GALNT8: variants seen among roughly 807,000 people sequenced by gnomAD.
GALNT8 encodes the protein probable polypeptide N-acetylgalactosaminyltransferase 8.
GALNT8 carries 66 observed loss-of-function variants against 62.7 expected under a neutral mutation model. The ratio of observed to expected loss-of-function variants is 1.05; its 90% CI spans 0.86 to 1.29. The LOEUF is 1.29. Among genes scored for constraint, GALNT8 ranks in the 50% most tolerant of loss-of-function variants. The pLI is 0.00. For synonymous variants in GALNT8, 288 were observed against 294.3 expected (o/e 0.98, Z 0.22); for missense variants, 771 against 791.8 (o/e 0.97, Z 0.32).
At chr12:4,761,217 T>G in intron 7 of GALNT8, 74 bp downstream of exon 7, 2 of 1,321,372 alleles carry the variant, frequency 1.5e-6, no homozygotes, top group Non-Finnish European at 2.1e-6. Context: ...TGGGGAGGGA[T>G]AAAGCAAAAG....
At position 4,723,204 on chromosome 12, in the gene GALNT8, T is replaced by A. The variant is rs3782739; in HGVS notation, c.211+2316T>A. ...GAAATTCCATAGATGAATAAATGAG[T>A]GGGTGTGTCTAGGAAAGAGAGAGAA... On this transcript the variant is annotated intron_variant, in intron 1 of 10. Coordinates refer to ENST00000252318, the MANE Select transcript of GALNT8 (RefSeq NM_017417.2). 5.7e-4 allele frequency among the ~76,000 whole-genome samples: 86 copies of A among 151,922 alleles called. 1 individual carries two copies. The East Asian group carries it at 0.015, about 26-fold the overall frequency.
Position 4,754,191 on chromosome 12 carries a change from G to GTA in GALNT8, c.1174-6766_1174-6765dup, listed in dbSNP as rs371466153. Among the ~76,000 whole-genome samples, 1,200 of 151,834 alleles carry GTA rather than the reference G, an allele frequency of 7.9e-3. 18 individuals are homozygous for GTA. Among genetic ancestry groups the GTA allele is most frequent in the African/African-American group, 0.028 (1,146 of 41,382 alleles). ...AAGGCCTGCTGTAACCACTCACTGT[G>GTA]TACTTCCTATGTTCCCTTGAGACCC... On this transcript the variant is annotated intron_variant, in intron 6 of 10. Transcript: ENST00000252318.
intron 3 of GALNT8, among the ~76,000 whole-genome samples, chr12:4,741,906 C>T (rs917929272): frequency 7.2e-5 from 11 of 152,174 alleles, no homozygotes; most frequent in South Asian, 2.1e-4. Context: ...TCATTAACCA[C>T]GAAAACACCA....
At position 4,746,268 on chromosome 12, in the gene GALNT8, T is replaced by C; in HGVS notation, c.1173+10T>C. 1 of 1,420,462 alleles carries C rather than the reference T, an allele frequency of 7.0e-7. No individual in the cohort carries two copies. Among genetic ancestry groups the C allele is most frequent in the South Asian group, 1.1e-5 (1 of 87,216 alleles). The allele number at this position is 1,420,462 out of a possible 1,614,324, so 88.0% of individuals were successfully genotyped here. On this transcript the variant is annotated intron_variant, in intron 6 of 10. Transcript: ENST00000252318. ...GGAGCTTAGCCTGAGGGTGGGTACA[T>C]TTCCCTTTTCTTTATGGGACAAAGC... is the stretch of plus-strand genomic sequence containing the variant.
intron 6 of GALNT8, 73 bp downstream of exon 6, chr12:4,746,331 A>C: frequency 1.2e-6 from 1 of 867,194 alleles, no homozygotes; most frequent in Non-Finnish European, 2.0e-6. Context: ...GGACCCCTGG[A>C]ATCCTAGAAC....
chr12:4,759,490 G>C (rs925063736), intron 6 of GALNT8, among the ~76,000 whole-genome samples: 1 of 149,956 alleles, frequency 6.7e-6, no homozygotes, highest in Non-Finnish European at 1.5e-5. Flanking sequence ...TGCCAGGTGT[G>C]CAATGATGGA....
At chr12:4,739,910 G>A (rs1161147433) in intron 3 of GALNT8, among the ~76,000 whole-genome samples, 2 of 151,974 alleles carry the variant, frequency 1.3e-5, no homozygotes, top group East Asian at 1.9e-4. Flanking sequence ...CTCGTGATCC[G>A]CCCGCCTCGG....
rs1946163997 is a variant in GALNT8, at chr12:4,720,847, T to C, written c.170T>C (p.Ile57Thr). 1 of 1,609,904 alleles carries C rather than the reference T, an allele frequency of 6.2e-7. No homozygotes were observed. The highest frequency in any genetic ancestry group is 1.7e-5 in the Admixed American group (1 of 60,008). The change falls in exon 1 of 11, where the codon ATA becomes ACA. Residue 57 changes from isoleucine (I) to threonine (T), a missense_variant. Physicochemically the swap from Ile to Thr is moderately conservative, Grantham distance 89. Coordinates refer to ENST00000252318, the MANE Select transcript of GALNT8 (RefSeq NM_017417.2). ...LHLNKRYGAV[I>T]KRLSHLEVEL... is the part of the protein sequence containing the mutation. ...CTGAATAAACGCTACGGGGCAGTGA[T>C]AAAGAGACTCTCCCACTTGGAGGTG...
intron 2 of GALNT8, among the ~76,000 whole-genome samples, chr12:4,730,748 AAAAG>A (rs1946218068): frequency 6.6e-6 from 1 of 152,214 alleles, no homozygotes; most frequent in African/African-American, 2.4e-5. Flanking sequence ...TATCTGTAAA[AAAAG>A]GTCTTTAGAA....
At chr12:4,731,950 T>A (rs1946223813) in intron 2 of GALNT8, among the ~76,000 whole-genome samples, 2 of 152,118 alleles carry the variant, frequency 1.3e-5, no homozygotes, top group Non-Finnish European at 2.9e-5. Flanking sequence ...CATTAAAAAA[T>A]AATTAAGAAT....
chr12:4,737,751 C>T (rs143235547), intron 2 of GALNT8, among the ~76,000 whole-genome samples: 3 of 152,270 alleles, frequency 2.0e-5, no homozygotes, highest in Non-Finnish European at 2.9e-5. Flanking sequence ...GCTCTTAGCA[C>T]GTCATTATCA....
At chr12:4,757,193 C>T (rs1453051222) in intron 6 of GALNT8, among the ~76,000 whole-genome samples, 2 of 152,152 alleles carry the variant, frequency 1.3e-5, no homozygotes, top group East Asian at 1.9e-4. Context: ...CTATAAGTTA[C>T]CCAGTCTCAG....
rs573750491 is a variant in GALNT8 at position 4,771,419 on chromosome 12, A to C, written c.1762-1026A>C. On this transcript the variant is annotated intron_variant, in intron 10 of 10. Transcript: ENST00000252318. ...GCTGGGGGGAGTCCAGGGACAGGCA[A>C]ATTTTGGGGGGAGCAAGGGCTGTTA... Among the ~76,000 whole-genome samples the C allele has an allele frequency of 3.3e-5, 5 of 152,052 alleles. No homozygotes were observed. The East Asian group carries it at 5.8e-4, about 18-fold the overall frequency.
At chr12:4,733,312 A>G (rs532329795) in intron 2 of GALNT8, among the ~76,000 whole-genome samples, 24 of 152,346 alleles carry the variant, frequency 1.6e-4, no homozygotes, top group Middle Eastern at 6.8e-3. Flanking sequence ...CAGGCCAGGT[A>G]CTGGTGATGC....
At chr12:4,728,072 A>G (rs1946204389) in intron 2 of GALNT8, among the ~76,000 whole-genome samples, 1 of 152,118 alleles carries the variant, frequency 6.6e-6, no homozygotes, top group Non-Finnish European at 1.5e-5. Context: ...GTGGGTCTGA[A>G]GTGGTATCTC....
At chr12:4,737,764 A>G (rs1946252363) in intron 2 of GALNT8, among the ~76,000 whole-genome samples, 1 of 152,152 alleles carries the variant, frequency 6.6e-6, no homozygotes, top group Non-Finnish European at 1.5e-5. Context: ...CATTATCATG[A>G]GAGGGGGTTT....
intron 9 of GALNT8, among the ~76,000 whole-genome samples, chr12:4,764,526 G>C (rs1386149785): frequency 1.8e-5 from 1 of 55,232 alleles, no homozygotes; most frequent in Admixed American, 2.4e-4. Flanking sequence ...GGTGCAGTCA[G>C]GGGATTTTTT....
chr12:4,732,369 C>T (rs1041424758), intron 2 of GALNT8, among the ~76,000 whole-genome samples: 3 of 152,094 alleles, frequency 2.0e-5, no homozygotes, highest in African/African-American at 7.2e-5. Flanking sequence ...ATCTGTTCCT[C>T]TAGATGTCAT....
Position 4,749,992 on chromosome 12 carries a change from AT to A in GALNT8, c.1173+3735del, listed in dbSNP as rs1565386676. On this transcript the variant is annotated intron_variant, in intron 6 of 10. Coordinates refer to ENST00000252318, the MANE Select transcript of GALNT8 (RefSeq NM_017417.2). This position sits in a 1 kb window ranked among gnomAD's most constrained non-coding sequence, Gnocchi z 4.1. ...GAGCTGTTAGTGTTCCTTTAAATTT[AT>A]GCAGAATCAGTTGTAATGTCTTTTT... is the stretch of plus-strand genomic sequence containing the variant. 1.3e-5 allele frequency among the ~76,000 whole-genome samples: 2 copies of A among 152,074 alleles called. No individual in the cohort carries two copies. Among genetic ancestry groups the A allele is most frequent in the African/African-American group, 4.8e-5 (2 of 41,426 alleles).
Sources: allele counts gnomAD v4.1 joint callset (sites outside exome capture counted in the v4.1 genomes callset), GRCh38; gene constraint gnomAD v4.1.1; non-coding constraint Gnocchi (gnomAD v3.1); transcripts MANE v1.5; gene names NCBI Gene and HGNC (gene_info 2026-07-23, HGNC 2026-07-21).